The following RAD54B variants were observed in gnomAD, a reference collection of about 807,000 sequenced individuals.
RAD54B encodes DNA repair and recombination protein RAD54B.
In RAD54B, 78 loss-of-function variants were observed where a neutral mutation model predicts 95.8. The ratio of observed to expected loss-of-function variants is 0.81; its 90% CI spans 0.68 to 0.98. RAD54B has a LOEUF of 0.98. Among genes scored for constraint, RAD54B ranks in the 50% least tolerant of loss-of-function variants. The pLI, the probability that RAD54B is intolerant of heterozygous loss-of-function variation, is 0.00. For synonymous variants in RAD54B, 328 were observed against 354.9 expected, an observed-to-expected ratio of 0.92 and a Z score of 0.85; for missense variants, 957 against 1,056.6, an observed-to-expected ratio of 0.91 and a Z score of 1.31.
intron 1 of RAD54B, among the ~76,000 whole-genome samples, chr8:94,470,320 C>T (rs1296717702): frequency 6.6e-6 from 1 of 151,764 alleles, no homozygotes; most frequent in Non-Finnish European, 1.5e-5. Context: ...AATTTGAGGC[C>T]AGGTGCAGTG....
intron 9 of RAD54B, among the ~76,000 whole-genome samples, chr8:94,392,434 A>G (rs745561892): frequency 6.6e-6 from 1 of 151,260 alleles, no homozygotes; most frequent in Non-Finnish European, 1.5e-5. Flanking sequence ...GCGAATTTTT[A>G]TATTTTTAGT....
At chr8:94,396,909 G>C (rs1164173678) in intron 8 of RAD54B, among the ~76,000 whole-genome samples, 1 of 152,136 alleles carries the variant, frequency 6.6e-6, no homozygotes, top group African/African-American at 2.4e-5. Context: ...AGAGAGGATA[G>C]AGTACATGAG....
intron 3 of RAD54B, among the ~76,000 whole-genome samples, chr8:94,446,726 G>A (rs1166846878): frequency 6.6e-6 from 1 of 152,100 alleles, no homozygotes; most frequent in African/African-American, 2.4e-5. Context: ...TACCTACAAG[G>A]ATGTTGTGTG....
intron 3 of RAD54B, chr8:94,430,571 T>G: frequency 1.5e-6 from 1 of 666,244 alleles, no homozygotes; most frequent in Non-Finnish European, 1.9e-6. Context: ...GGATTTACAT[T>G]TCTAACAAGT....
chr8:94,372,032 T>C lies in RAD54B; in HGVS notation c.*138A>G, dbSNP rs552018466. ...TTACAAAACATTAAACCACTCAATT[T>C]TGACTATTGTATCAAAAGTGATATA... On this transcript the variant is annotated 3_prime_UTR_variant, in exon 15 of 15. Transcript: ENST00000336148. 25 of 1,364,996 alleles carry C rather than the reference T, an allele frequency of 1.8e-5. No homozygotes were observed. Among genetic ancestry groups the C allele is most frequent in the Non-Finnish European group, 1.2e-5 (13 of 1,048,382 alleles). 84.6% of individuals were successfully genotyped at this position (1,364,996 alleles called of 1,614,324 possible).
chr8:94,456,290 C>T (rs28681473), intron 3 of RAD54B, among the ~76,000 whole-genome samples: 1,996 of 152,234 alleles, frequency 0.013, 48 homozygotes, highest in African/African-American at 0.046. Context: ...TGAAAATGTA[C>T]TTATCAGGGC....
intron 3 of RAD54B, among the ~76,000 whole-genome samples, chr8:94,439,588 A>C (rs559150151): frequency 6.6e-6 from 1 of 151,198 alleles, no homozygotes; most frequent in Non-Finnish European, 1.5e-5. Context: ...CGTATGGCTT[A>C]CTTTTATATA....
At chr8:94,427,475 A>G (rs1187083276) in intron 3 of RAD54B, among the ~76,000 whole-genome samples, 1 of 152,046 alleles carries the variant, frequency 6.6e-6, no homozygotes, top group Admixed American at 6.5e-5. Context: ...ACCATATTTC[A>G]TCTAATTACT....
chr8:94,402,187 TGAAAA>T (rs1426296911), intron 6 of RAD54B, among the ~76,000 whole-genome samples: 1 of 152,162 alleles, frequency 6.6e-6, no homozygotes, highest in African/African-American at 2.4e-5. Context: ...AACTTAAATT[TGAAAA>T]GAAAACTCTT....
chr8:94,403,554 G>C (rs1811310989), intron 6 of RAD54B, among the ~76,000 whole-genome samples: 1 of 151,952 alleles, frequency 6.6e-6, no homozygotes, highest in African/African-American at 2.4e-5. Flanking sequence ...GAGCACGCCT[G>C]TAATCCTAGC....
chr8:94,413,827 CTT>C (rs34318667), intron 3 of RAD54B, among the ~76,000 whole-genome samples: 36,385 of 139,046 alleles, frequency 0.26, 5,340 homozygotes, highest in East Asian at 0.44. Context: ...AATAATTATT[CTT>C]TTTTTTTTTT....
At chr8:94,422,776 A>AT (rs1811855441) in intron 3 of RAD54B, among the ~76,000 whole-genome samples, 1 of 140,288 alleles carries the variant, frequency 7.1e-6, no homozygotes, top group Admixed American at 7.2e-5. Context: ...ATATATATAT[A>AT]ATTGTTAGGG....
chr8:94,407,459 C>A lies in RAD54B; in HGVS notation c.761G>T (p.Arg254Leu), dbSNP rs766325819. 1.9e-5 allele frequency: 30 copies of A among 1,613,060 alleles called. No homozygotes were observed. The South Asian group carries it at 3.1e-4, about 17-fold the overall frequency. Residue 254 changes from arginine (R) to leucine (L), a missense_variant, in exon 5 of 15, where the codon CGC becomes CTC. Coordinates refer to ENST00000336148, the MANE Select transcript of RAD54B (RefSeq NM_012415.3). Reference protein sequence around the residue: ...RQNDFQNCKPRHDPYTPNSLV... With the variant: ...RQNDFQNCKPLHDPYTPNSLV... Reference sequence around the variant, plus strand: ...CTTACTTGGCGTATATGGGTCATGGCGTGGTTTGCAATTTTGGAAATCATT... The same window carrying A: ...CTTACTTGGCGTATATGGGTCATGGAGTGGTTTGCAATTTTGGAAATCATT...
intron 1 of RAD54B, among the ~76,000 whole-genome samples, chr8:94,473,318 C>A (rs1025051262): frequency 6.6e-6 from 1 of 152,164 alleles, no homozygotes; most frequent in Non-Finnish European, 1.5e-5. Context: ...CACCAGATAG[C>A]CACAAGTACT....
intron 3 of RAD54B, chr8:94,428,963 A>C: frequency 1.0e-6 from 1 of 982,792 alleles, no homozygotes; most frequent in Non-Finnish European, 1.2e-6. Flanking sequence ...TTCTTTATAC[A>C]GGAATTCTCA....
chr8:94,429,843 CCTT>C (rs1812042472), intron 3 of RAD54B: 12 of 985,244 alleles, frequency 1.2e-5, no homozygotes, highest in Non-Finnish European at 1.4e-5. Context: ...TAAAATAGTA[CCTT>C]GAGTTCATTT....
intron 2 of RAD54B, among the ~76,000 whole-genome samples, chr8:94,458,947 CTGAA>C (rs1812838501): frequency 6.6e-6 from 1 of 151,906 alleles, no homozygotes; most frequent in African/African-American, 2.4e-5. Context: ...GCTACTAAAA[CTGAA>C]TGATATGACA....
intron 1 of RAD54B, among the ~76,000 whole-genome samples, chr8:94,468,275 C>A (rs538327030): frequency 1.3e-5 from 2 of 152,154 alleles, no homozygotes; most frequent in Non-Finnish European, 2.9e-5. Context: ...TAACCATTAG[C>A]TACCCATTTT....
intron 3 of RAD54B, among the ~76,000 whole-genome samples, chr8:94,422,617 A>AAATATATAT (rs1554606249): frequency 2.3e-5 from 1 of 43,574 alleles, no homozygotes; most frequent in Non-Finnish European, 3.9e-5. Context: ...AAAAAAAAAA[A>AAATATATAT]ATATATATAT....
Sources: gnomAD v4.1 joint callset for allele counts (sites outside exome capture counted in the v4.1 genomes callset) on GRCh38, gnomAD v4.1.1 for gene constraint, MANE v1.5 for transcripts, NCBI Gene and HGNC (gene_info 2026-07-23, HGNC 2026-07-21) for gene names.